Variants in PTPRD observed in about 807,000 individuals in gnomAD.
PTPRD encodes the protein protein tyrosine phosphatase receptor type D.
A neutral mutation model predicts 214.5 loss-of-function variants in PTPRD; 34 were observed. The ratio of observed to expected loss-of-function variants is 0.16; its 90% confidence interval spans 0.12 to 0.21. PTPRD has a LOEUF of 0.21. Ranked by LOEUF, PTPRD falls within the 10% of genes least tolerant of loss-of-function variation. The pLI, the probability that PTPRD is intolerant of heterozygous loss-of-function variation, is 1.00. For synonymous variants in PTPRD, 1,128 were observed against 845.7 expected, an observed-to-expected ratio of 1.33 and a Z score of -5.79; for missense variants, 2,545 against 2,398.7, an observed-to-expected ratio of 1.06 and a Z score of -1.27.
chr9:8,583,519 T>C (rs1349732334), intron 14 of PTPRD, among the ~76,000 whole-genome samples: 4 of 152,170 alleles, frequency 2.6e-5, no homozygotes, highest in African/African-American at 9.6e-5. Context: ...AACATAATCT[T>C]GAACAAAAGA....
intron 4 of PTPRD, among the ~76,000 whole-genome samples, chr9:9,951,638 T>TACA (rs2093462906): frequency 6.6e-6 from 1 of 152,236 alleles, no homozygotes; most frequent in Non-Finnish European, 1.5e-5. Flanking sequence ...TCTTACAAGT[T>TACA]AATGTCGTTC....
intron 14 of PTPRD, among the ~76,000 whole-genome samples, chr9:8,567,485 C>G (rs1473532093): frequency 6.6e-6 from 1 of 152,180 alleles, no homozygotes; most frequent in African/African-American, 2.4e-5. Flanking sequence ...TTGCAGTGAT[C>G]TGGGAAAGCA....
chr9:10,165,803 C>A (rs1011101939), intron 3 of PTPRD, among the ~76,000 whole-genome samples: 5 of 150,718 alleles, frequency 3.3e-5, no homozygotes, highest in African/African-American at 1.2e-4. Flanking sequence ...AATAATTACA[C>A]CCATCTGAAT....
At chr9:9,231,160 T>C (rs1350723044) in intron 9 of PTPRD, among the ~76,000 whole-genome samples, 1 of 152,162 alleles carries the variant, frequency 6.6e-6, no homozygotes, top group Non-Finnish European at 1.5e-5. Context: ...CTGCTACTAT[T>C]GGTGAGAAAA....
At chr9:10,330,731 T>G (rs1475096326) in intron 3 of PTPRD, among the ~76,000 whole-genome samples, 3 of 151,818 alleles carry the variant, frequency 2.0e-5, no homozygotes, top group Non-Finnish European at 2.9e-5. Flanking sequence ...TGTAGGGTGT[T>G]AGGCTCAGGA....
intron 3 of PTPRD, among the ~76,000 whole-genome samples, chr9:10,238,922 A>G (rs1327640849): frequency 6.6e-6 from 1 of 151,966 alleles, no homozygotes; most frequent in Middle Eastern, 3.4e-3. Context: ...TGTTTGTCAG[A>G]TCGATTTATG....
intron 26 of PTPRD, among the ~76,000 whole-genome samples, chr9:8,495,744 A>G (rs2097250823): frequency 1.3e-5 from 2 of 152,234 alleles, no homozygotes; most frequent in Non-Finnish European, 2.9e-5. Flanking sequence ...TTATAGTCAA[A>G]GAAGTTTACG....
chr9:9,517,751 G>C (rs1168095466), intron 8 of PTPRD, among the ~76,000 whole-genome samples: 1 of 151,880 alleles, frequency 6.6e-6, no homozygotes, highest in Non-Finnish European at 1.5e-5. Context: ...AGAAAAAAAT[G>C]GTGCATATTA....
At chr9:8,496,066 G>A (rs2097259149) in intron 26 of PTPRD, among the ~76,000 whole-genome samples, 1 of 151,828 alleles carries the variant, frequency 6.6e-6, no homozygotes, top group South Asian at 2.1e-4. Context: ...ATATCAAATT[G>A]TCAGGCTCAC....
intron 11 of PTPRD, among the ~76,000 whole-genome samples, chr9:8,934,069 G>A (rs1020250668): frequency 2.6e-5 from 4 of 151,858 alleles, no homozygotes; most frequent in African/African-American, 9.7e-5. Context: ...TTTGGCCTCA[G>A]TCACCATCTA....
At chr9:10,503,985 G>C (rs1427604112) in intron 2 of PTPRD, among the ~76,000 whole-genome samples, 1 of 150,770 alleles carries the variant, frequency 6.6e-6, no homozygotes, top group Admixed American at 6.6e-5. Context: ...GCGTGGTGGC[G>C]GGCGCCTGTA....
intron 35 of PTPRD, 22 bp from the exon 36 acceptor site, chr9:8,404,682 T>A: frequency 6.3e-7 from 1 of 1,592,530 alleles, no homozygotes. Context: ...AAACAACACA[T>A]ATACACAAAA....
At chr9:8,644,744 C>A (rs2096650858) in intron 12 of PTPRD, among the ~76,000 whole-genome samples, 1 of 152,234 alleles carries the variant, frequency 6.6e-6, no homozygotes, top group South Asian at 2.1e-4. Flanking sequence ...GAACCGCCCA[C>A]CCCGTGGCAG....
At chr9:10,041,567 C>T (rs1239975161) in intron 3 of PTPRD, among the ~76,000 whole-genome samples, 1 of 151,184 alleles carries the variant, frequency 6.6e-6, no homozygotes, top group African/African-American at 2.4e-5. Flanking sequence ...GTGCAAAATC[C>T]TTCAATTACC....
intron 2 of PTPRD, among the ~76,000 whole-genome samples, chr9:10,583,450 A>G (rs561887441): frequency 6.9e-6 from 1 of 144,678 alleles, no homozygotes; most frequent in Non-Finnish European, 1.5e-5. Flanking sequence ...GTTATAAACT[A>G]GAAGTTCTTT....
intron 11 of PTPRD, among the ~76,000 whole-genome samples, chr9:8,741,442 T>TCATCCAAA (rs2091897822): frequency 6.6e-6 from 1 of 152,132 alleles, no homozygotes; most frequent in Non-Finnish European, 1.5e-5. Flanking sequence ...TTTGTTCCTT[T>TCATCCAAA]CATCCAAAAA....
intron 11 of PTPRD, among the ~76,000 whole-genome samples, chr9:8,850,032 A>C (rs1228138576): frequency 6.6e-6 from 1 of 152,216 alleles, no homozygotes; most frequent in East Asian, 1.9e-4. Context: ...GGATAAGAAC[A>C]AAAGGAAGAA....
At chr9:9,429,544 C>T (rs935151504) in intron 8 of PTPRD, among the ~76,000 whole-genome samples, 9 of 152,182 alleles carry the variant, frequency 5.9e-5, no homozygotes, top group African/African-American at 2.2e-4. Flanking sequence ...CTCCCTTACT[C>T]ATTTTATGAG....
chr9:10,236,015 G>A (rs984289599), intron 3 of PTPRD, among the ~76,000 whole-genome samples: 8 of 151,922 alleles, frequency 5.3e-5, no homozygotes, highest in Admixed American at 1.3e-4. Context: ...GTGATGTAAT[G>A]TGGATTTACA....
Sources: gnomAD v4.1 joint callset for allele counts (sites outside exome capture counted in the v4.1 genomes callset) on GRCh38, gnomAD v4.1.1 for gene constraint, MANE v1.5 for transcripts, NCBI Gene and HGNC (gene_info 2026-07-23, HGNC 2026-07-21) for gene names.